PDCD1LG2: variants seen among roughly 807,000 people sequenced by gnomAD.
PDCD1LG2 encodes programmed cell death 1 ligand 2, also known as B7 dendritic cell molecule.
PDCD1LG2 carries 32 observed loss-of-function variants against 28.2 expected under a neutral mutation model. The observed-to-expected ratio is 1.13, with a 90% CI of 0.86 to 1.52. The LOEUF (loss-of-function observed/expected upper bound fraction) is 1.52. Among genes scored for constraint, PDCD1LG2 ranks in the 40% most tolerant of loss-of-function variants. PDCD1LG2 has a pLI of 0.00. For missense variants in PDCD1LG2, 385 were observed against 323.8 expected (o/e 1.19, Z -1.45); for synonymous variants, 116 against 120.2 (o/e 0.97, Z 0.23).
chr9:5,517,021 C>T (rs1323659629), intron 1 of PDCD1LG2, among the ~76,000 whole-genome samples: 3 of 152,258 alleles, frequency 2.0e-5, no homozygotes, highest in Admixed American at 2.0e-4. Flanking sequence ...CCTGGCCACA[C>T]CTCCACTGCT....
At chr9:5,549,954 C>T (rs1816296951) in intron 4 of PDCD1LG2, among the ~76,000 whole-genome samples, 1 of 152,184 alleles carries the variant, frequency 6.6e-6, no homozygotes, top group African/African-American at 2.4e-5. Context: ...CAATCTCCTG[C>T]TAGCACCTCC....
At chr9:5,517,163 G>T (rs1820182733) in intron 1 of PDCD1LG2, among the ~76,000 whole-genome samples, 1 of 152,240 alleles carries the variant, frequency 6.6e-6, no homozygotes, top group Non-Finnish European at 1.5e-5. Context: ...GAGAAAAGAT[G>T]ACTAAGGATT....
chr9:5,564,851 C>T (rs1174040540), intron 6 of PDCD1LG2, among the ~76,000 whole-genome samples: 1 of 152,178 alleles, frequency 6.6e-6, no homozygotes, highest in Non-Finnish European at 1.5e-5. Context: ...TTGGAGTGTC[C>T]TCCCTATTCC....
chr9:5,565,686 A>G (rs1381718162), intron 6 of PDCD1LG2, among the ~76,000 whole-genome samples: 1 of 152,162 alleles, frequency 6.6e-6, no homozygotes, highest in Non-Finnish European at 1.5e-5. Context: ...TAATGCAACT[A>G]TATGGTATTT....
chr9:5,535,178 A>G (rs911797949), intron 3 of PDCD1LG2, 128 bp downstream of exon 3: 8 of 842,018 alleles, frequency 9.5e-6, no homozygotes, highest in Non-Finnish European at 1.4e-5. Context: ...CAGCTATTTC[A>G]GAGAAAATGA....
chr9:5,537,934 CAAGAG>C (rs1043531575), intron 3 of PDCD1LG2, among the ~76,000 whole-genome samples: 1 of 152,032 alleles, frequency 6.6e-6, no homozygotes, highest in African/African-American at 2.4e-5. Context: ...TTCATAGTCA[CAAGAG>C]AAAAGTTTTC....
chr9:5,567,242 A>G (rs995372750), intron 6 of PDCD1LG2, among the ~76,000 whole-genome samples: 5 of 152,214 alleles, frequency 3.3e-5, no homozygotes, highest in African/African-American at 1.2e-4. Flanking sequence ...AAAGACTCCT[A>G]GCACAGCTAA....
At chr9:5,515,922 C>CAATAAAAAAAA (rs1820150584) in intron 1 of PDCD1LG2, among the ~76,000 whole-genome samples, 2 of 30,294 alleles carry the variant, frequency 6.6e-5, no homozygotes, top group Non-Finnish European at 1.2e-4. Flanking sequence ...GACTCCATCT[C>CAATAAAAAAAA]AAAAAAAAAA....
intron 3 of PDCD1LG2, among the ~76,000 whole-genome samples, chr9:5,543,538 C>CA (rs139524609): frequency 0.38 from 28,022 of 72,880 alleles, 4,212 homozygotes; most frequent in East Asian, 0.43. Context: ...GACTCCGTCT[C>CA]AAAAAAAAAA....
chr9:5,570,543 T>C lies in PDCD1LG2; in HGVS notation c.*584T>C, dbSNP rs900467703. ...TAACAGAGAGCATTTAAATATACAC[T>C]AAGTGCACAAATTGTGGAGTAAAGT... is the stretch of plus-strand genomic sequence containing the variant. On this transcript the variant is annotated 3_prime_UTR_variant, in exon 7 of 7. Transcript: ENST00000397747. The C allele has an allele frequency of 1.7e-5, 4 of 232,794 alleles. No individual in the cohort carries two copies. Among genetic ancestry groups the C allele is most frequent in the Non-Finnish European group, 3.4e-5 (4 of 117,868 alleles). The allele number at this position is 232,794 out of a possible 1,614,324, so 14.4% of individuals were successfully genotyped here. A position where few individuals can be genotyped will look rare whatever the true frequency, so the allele number is the denominator to read the frequency against.
intron 5 of PDCD1LG2, among the ~76,000 whole-genome samples, chr9:5,559,211 G>A (rs911902014): frequency 6.6e-5 from 10 of 152,312 alleles, no homozygotes; most frequent in South Asian, 2.1e-4. Context: ...CAGTAGCTCC[G>A]AGCTGGGAGG....
rs1214332551 is a variant in PDCD1LG2 at position 5,549,590 on chromosome 9, G to C, written c.617G>C (p.Ser206Thr). The change falls in exon 4 of 7, where the codon AGC (serine) becomes ACC (threonine). Residue 206 changes from serine (S) to threonine (T), a missense_variant. Physicochemically the swap from Ser to Thr is moderately conservative, Grantham distance 58. Transcript: ENST00000397747. ...CACGTGAGGGAACTTACTTTGGCCA[G>C]CATTGACCTTCAAAGTAAGAGCTGC... The part of the protein sequence containing the change: ...NTHVRELTLA[S>T]IDLQSQMEPR... The C allele has an allele frequency of 6.2e-7, 1 of 1,614,216 alleles. No individual in the cohort carries two copies. The highest frequency in any genetic ancestry group is 1.1e-5 in the South Asian group (1 of 91,086).
chr9:5,567,479 C>T (rs997135195), intron 6 of PDCD1LG2, among the ~76,000 whole-genome samples: 2 of 152,200 alleles, frequency 1.3e-5, no homozygotes, highest in African/African-American at 4.8e-5. Context: ...AACAGTAAAA[C>T]TTTAGGAGTG....
Position 5,570,213 on chromosome 9 carries a change from C to A in PDCD1LG2, c.*254C>A. 1 of 417,152 alleles carries A rather than the reference C, an allele frequency of 2.4e-6. No homozygotes were observed. Among genetic ancestry groups the A allele is most frequent in the South Asian group, 7.5e-5 (1 of 13,250 alleles). 25.8% of individuals were successfully genotyped at this position (417,152 alleles called of 1,614,324 possible). A position where few individuals can be genotyped will look rare whatever the true frequency, so the allele number is the denominator to read the frequency against. Reference sequence around the variant, plus strand: ...GCACTACTGCACTTTACAGAATTACCCCACTGGATCCTGGACCCACAGAAT... The same window carrying A: ...GCACTACTGCACTTTACAGAATTACACCACTGGATCCTGGACCCACAGAAT... On this transcript the variant is annotated 3_prime_UTR_variant, in exon 7 of 7. Coordinates refer to ENST00000397747, the MANE Select transcript of PDCD1LG2 (RefSeq NM_025239.4).
intron 3 of PDCD1LG2, among the ~76,000 whole-genome samples, chr9:5,535,840 TAAAGAG>T (rs998617088): frequency 3.9e-5 from 6 of 152,130 alleles, no homozygotes; most frequent in African/African-American, 1.4e-4. Context: ...AATCTAAATA[TAAAGAG>T]AATCTTCACA....
intron 3 of PDCD1LG2, among the ~76,000 whole-genome samples, chr9:5,541,050 T>C (rs889143565): frequency 6.6e-6 from 1 of 152,208 alleles, no homozygotes; most frequent in East Asian, 1.9e-4. Flanking sequence ...GATGCAGGGA[T>C]GGTTTAACAT....
At chr9:5,520,623 A>G (rs991579215) in intron 1 of PDCD1LG2, among the ~76,000 whole-genome samples, 6 of 152,234 alleles carry the variant, frequency 3.9e-5, no homozygotes, top group African/African-American at 1.4e-4. Flanking sequence ...AGCACAAACA[A>G]TAAAAGAAAA....
rs764540241 is a variant in PDCD1LG2 at position 5,522,551 on chromosome 9, T to A, written c.5T>A (p.Ile2Asn). The change falls in exon 2 of 7, where the codon ATC (isoleucine) becomes AAC (asparagine). Residue 2 changes from isoleucine (I) to asparagine (N), a missense_variant. Transcript: ENST00000397747. ...ATTTCAGATCAAATACAGAACATGATCTTCCTCCTGCTAATGTTGAGCCTG... is the reference window on the plus strand; with the variant it reads ...ATTTCAGATCAAATACAGAACATGAACTTCCTCCTGCTAATGTTGAGCCTG... M[I>N]FLLLMLSLEL... The A allele has an allele frequency of 3.1e-6, 5 of 1,613,604 alleles. No individual in the cohort carries two copies. The African/African-American group carries it at 6.7e-5, about 22-fold the overall frequency.
chr9:5,530,101 T>A (rs1445110697), intron 2 of PDCD1LG2, among the ~76,000 whole-genome samples: 1 of 151,120 alleles, frequency 6.6e-6, no homozygotes, highest in Admixed American at 6.7e-5. Context: ...TCTTGGGAGG[T>A]AATGCAAATA....
Sources: allele counts gnomAD v4.1 joint callset (sites outside exome capture counted in the v4.1 genomes callset), GRCh38; gene constraint gnomAD v4.1.1; transcripts MANE v1.5; gene names NCBI Gene and HGNC (gene_info 2026-07-23, HGNC 2026-07-21).